Variants in PRKN observed in about 807,000 individuals in gnomAD.
PRKN encodes the protein E3 ubiquitin-protein ligase parkin.
Under a neutral mutation model 59.5 loss-of-function variants are expected in PRKN, and 56 were observed. The ratio of observed to expected loss-of-function variants is 0.94; its 90% confidence interval spans 0.76 to 1.18. The LOEUF is 1.18. PRKN is among the 50% of genes most tolerant of loss of function. The pLI, the probability that PRKN is intolerant of heterozygous loss-of-function variation, is 0.00. For synonymous variants in PRKN, 250 were observed against 222.1 expected, an observed-to-expected ratio of 1.13 and a Z score of -1.12; for missense variants, 657 against 596.4, an observed-to-expected ratio of 1.10 and a Z score of -1.06.
chr6:162,356,807 A>G (rs1021392605), intron 2 of PRKN, among the ~76,000 whole-genome samples: 2 of 151,388 alleles, frequency 1.3e-5, no homozygotes, highest in Admixed American at 1.3e-4. Context: ...TGGAGATCCC[A>G]GAAATAGATC....
At chr6:162,055,811 A>G (rs1038332762) in intron 4 of PRKN, among the ~76,000 whole-genome samples, 1 of 152,004 alleles carries the variant, frequency 6.6e-6, no homozygotes. Context: ...ACCAGTGTAG[A>G]GCCGCCCTGG....
chr6:161,697,597 A>G (rs1179379805), intron 7 of PRKN, among the ~76,000 whole-genome samples: 1 of 152,188 alleles, frequency 6.6e-6, no homozygotes, highest in African/African-American at 2.4e-5. Flanking sequence ...TATGTAAAAC[A>G]GTATTCTTTC....
chr6:161,399,661 T>C lies in PRKN; in HGVS notation c.1084-12784A>G, dbSNP rs1233256154. 1.3e-5 allele frequency among the ~76,000 whole-genome samples: 2 copies of C among 152,242 alleles called. No homozygotes were observed. The highest frequency in any genetic ancestry group is 2.1e-4 in the South Asian group (1 of 4,818). ...GAAGAGGAAGGTGAACTGGGACCAATGGAGTTTGCTGGAAATGATAGCCCC... is the reference window on the plus strand; with the variant it reads ...GAAGAGGAAGGTGAACTGGGACCAACGGAGTTTGCTGGAAATGATAGCCCC... On this transcript the variant is annotated intron_variant, in intron 9 of 11. Coordinates refer to ENST00000366898, the MANE Select transcript of PRKN (RefSeq NM_004562.3). The surrounding 1 kb of genome is among the most constrained non-coding windows in gnomAD (Gnocchi z 4.4).
intron 1 of PRKN, among the ~76,000 whole-genome samples, chr6:162,620,661 A>G (rs1426603940): frequency 6.6e-6 from 1 of 152,136 alleles, no homozygotes; most frequent in Admixed American, 6.5e-5. Context: ...CTTCTCCTGT[A>G]TATCATCCTT....
intron 2 of PRKN, among the ~76,000 whole-genome samples, chr6:162,437,643 G>A (rs1327229549): frequency 6.6e-6 from 1 of 152,088 alleles, no homozygotes; most frequent in African/African-American, 2.4e-5. Flanking sequence ...CTATCATTTT[G>A]TCGTTTTGAG....
In PRKN at chr6:161,593,940, A is replaced by G. The variant is rs998097192; in HGVS notation, c.872-24524T>C. Reference sequence around the variant, plus strand: ...GCTGAGGTGGGCAGATCACGAGGTCAGGAGTTTGAGACCAGCCTGGCCAAC... The same window carrying G: ...GCTGAGGTGGGCAGATCACGAGGTCGGGAGTTTGAGACCAGCCTGGCCAAC... On this transcript the variant is annotated intron_variant, in intron 7 of 11. Transcript: ENST00000366898. This position sits in a 1 kb window ranked among gnomAD's most constrained non-coding sequence, Gnocchi z 4.8. Among the ~76,000 whole-genome samples, 2 of 151,762 alleles carry G rather than the reference A, an allele frequency of 1.3e-5. No individual in the cohort carries two copies. Among genetic ancestry groups the G allele is most frequent in the African/African-American group, 4.8e-5 (2 of 41,276 alleles).
chr6:161,625,316 G>GA (rs35092272), intron 7 of PRKN, among the ~76,000 whole-genome samples: 32,226 of 148,050 alleles, frequency 0.22, 3,516 homozygotes, highest in African/African-American at 0.25. Flanking sequence ...CACAAGGACA[G>GA]AAAACCAAAC....
intron 6 of PRKN, among the ~76,000 whole-genome samples, chr6:161,920,433 T>C (rs1778739146): frequency 6.6e-6 from 1 of 151,844 alleles, no homozygotes. Context: ...ATGCACAATG[T>C]CTATCTAAAC....
intron 2 of PRKN, among the ~76,000 whole-genome samples, chr6:162,361,373 C>T (rs572545398): frequency 1.1e-4 from 16 of 151,896 alleles, no homozygotes; most frequent in African/African-American, 3.9e-4. Context: ...AGGATGAGGT[C>T]ACAAGCCAGG....
At chr6:162,365,110 T>C (rs1156807888) in intron 2 of PRKN, among the ~76,000 whole-genome samples, 1 of 151,928 alleles carries the variant, frequency 6.6e-6, no homozygotes, top group Non-Finnish European at 1.5e-5. Context: ...AACCTTTGTA[T>C]ATTTTATCAA....
intron 5 of PRKN, among the ~76,000 whole-genome samples, chr6:162,040,066 G>A (rs1470937319): frequency 6.6e-6 from 1 of 152,152 alleles, no homozygotes; most frequent in African/African-American, 2.4e-5. Flanking sequence ...AAGCTGGGAG[G>A]TGGAATTGTC....
Position 161,379,769 on chromosome 6 carries a change from C to T in PRKN, c.1167+7025G>A, listed in dbSNP as rs866431513. The stretch of plus-strand genomic sequence containing the variant: ...TCTAGGACCTGCTGTGGCAACTGCA[C>T]GGCAGTTCAGCCTTCCTTCAAACTG... On this transcript the variant is annotated intron_variant, in intron 10 of 11. Transcript: ENST00000366898. The surrounding 1 kb of genome is among the most constrained non-coding windows in gnomAD (Gnocchi z 4.9). Among the ~76,000 whole-genome samples the T allele has an allele frequency of 4.6e-5, 7 of 152,348 alleles. No individual in the cohort carries two copies. The highest frequency in any genetic ancestry group is 2.1e-4 in the South Asian group (1 of 4,826).
At chr6:161,667,979 T>C (rs1256959284) in intron 7 of PRKN, among the ~76,000 whole-genome samples, 1 of 152,190 alleles carries the variant, frequency 6.6e-6, no homozygotes, top group Non-Finnish European at 1.5e-5. Context: ...TTATGGGAAC[T>C]TACCATTGCT....
At position 161,527,433 on chromosome 6, in the gene PRKN, C is replaced by G. The variant is rs1779054429; in HGVS notation, c.1083+21421G>C. ...CTATAAGGCCAGAAGGGCTGGGAAA[C>G]AGGGCATTTCCCTCCCTGAACCTTA... is the stretch of plus-strand genomic sequence containing the variant. On this transcript the variant is annotated intron_variant, in intron 9 of 11. Coordinates refer to ENST00000366898, the MANE Select transcript of PRKN (RefSeq NM_004562.3). This position sits in a 1 kb window ranked among gnomAD's most constrained non-coding sequence, Gnocchi z 4.6. Among the ~76,000 whole-genome samples, 3 of 152,172 alleles carry G rather than the reference C, an allele frequency of 2.0e-5. No homozygotes were observed. Among genetic ancestry groups the G allele is most frequent in the Non-Finnish European group, 4.4e-5 (3 of 68,032 alleles).
intron 7 of PRKN, among the ~76,000 whole-genome samples, chr6:161,664,747 A>T (rs1477676358): frequency 6.6e-6 from 1 of 152,156 alleles, no homozygotes; most frequent in Non-Finnish European, 1.5e-5. Context: ...AGAACTGATA[A>T]AAATTTGTTT....
intron 6 of PRKN, among the ~76,000 whole-genome samples, chr6:161,857,203 T>A (rs1324333755): frequency 6.6e-6 from 1 of 152,172 alleles, no homozygotes; most frequent in Admixed American, 6.5e-5. Context: ...AACTCCAGCC[T>A]GGGCGACAGA....
Position 162,024,194 on chromosome 6 carries a change from C to T in PRKN, c.618+29897G>A, listed in dbSNP as rs1270966855. ...CCCTTCCTCCCTCCCTCCCCCAACCCTTTTTTTTTTTTTTTTTTTTTTTGA... is the reference window on the plus strand; with the variant it reads ...CCCTTCCTCCCTCCCTCCCCCAACCTTTTTTTTTTTTTTTTTTTTTTTTGA... On this transcript the variant is annotated intron_variant, in intron 5 of 11. Coordinates refer to ENST00000366898, the MANE Select transcript of PRKN (RefSeq NM_004562.3). 5.2e-4 allele frequency among the ~76,000 whole-genome samples: 43 copies of T among 82,084 alleles called. 2 individuals carry two copies. Among genetic ancestry groups the T allele is most frequent in the Admixed American group, 1.9e-4 (1 of 5,254 alleles). The allele number at this position is 82,084 out of a possible 152,430, so 53.9% of individuals were successfully genotyped here.
At chr6:161,993,945 C>A (rs770378320) in intron 5 of PRKN, among the ~76,000 whole-genome samples, 3 of 152,138 alleles carry the variant, frequency 2.0e-5, no homozygotes, top group Non-Finnish European at 2.9e-5. Flanking sequence ...AATACAGCCC[C>A]TTACCTGAGA....
chr6:161,811,808 G>A (rs576671717), intron 6 of PRKN, among the ~76,000 whole-genome samples: 36 of 151,898 alleles, frequency 2.4e-4, no homozygotes, highest in East Asian at 3.9e-4. Context: ...CTGTAGTCCC[G>A]CTACTCAGGA....
Sources: allele counts gnomAD v4.1 joint callset (sites outside exome capture counted in the v4.1 genomes callset), GRCh38; gene constraint gnomAD v4.1.1; non-coding constraint Gnocchi (gnomAD v3.1); transcripts MANE v1.5; gene names NCBI Gene and HGNC (gene_info 2026-07-23, HGNC 2026-07-21).